The following MTA3 variants were observed in gnomAD, a reference collection of about 807,000 sequenced individuals.
The protein encoded by MTA3 is metastasis-associated protein MTA3.
In MTA3, 34 loss-of-function variants were observed where a neutral mutation model predicts 83.5. The observed-to-expected ratio is 0.41, with a 90% CI of 0.31 to 0.54. MTA3 has a LOEUF of 0.54. MTA3 is among the 20% of genes least tolerant of loss of function. MTA3 has a pLI of 0.33. For missense variants in MTA3, 761 were observed against 726.4 expected (o/e 1.05, Z -0.55); for synonymous variants, 303 against 252.7 (o/e 1.20, Z -1.89).
chr2:42,513,286 C>A (rs1304380592), intron 2 of MTA3, among the ~76,000 whole-genome samples: 1 of 152,182 alleles, frequency 6.6e-6, no homozygotes, highest in Non-Finnish European at 1.5e-5. Context: ...ATGAAATGAG[C>A]ATTACTTGGG....
At chr2:42,650,993 T>G (rs892228485) in intron 6 of MTA3, among the ~76,000 whole-genome samples, 5 of 152,178 alleles carry the variant, frequency 3.3e-5, no homozygotes, top group African/African-American at 1.2e-4. Flanking sequence ...CAAACCTAGA[T>G]AGGTGCAGCT....
At chr2:42,609,904 G>T (rs986414902) in intron 4 of MTA3, among the ~76,000 whole-genome samples, 2 of 152,122 alleles carry the variant, frequency 1.3e-5, no homozygotes, top group African/African-American at 4.8e-5. Context: ...TTCGAGACCA[G>T]CCTGGCCAAC....
At chr2:42,637,881 A>G (rs2104289377) in intron 4 of MTA3, among the ~76,000 whole-genome samples, 1 of 152,256 alleles carries the variant, frequency 6.6e-6, no homozygotes, top group Admixed American at 6.5e-5. Context: ...GAGACTTTTA[A>G]AGTATGCTAT....
intron 2 of MTA3, among the ~76,000 whole-genome samples, chr2:42,562,747 G>A (rs760979470): frequency 6.6e-6 from 1 of 152,240 alleles, no homozygotes; most frequent in African/African-American, 2.4e-5. Flanking sequence ...TGGGCTCTGG[G>A]GTGATGGTAA....
At chr2:42,573,058 T>A (rs1200734661) in intron 2 of MTA3, among the ~76,000 whole-genome samples, 1 of 152,112 alleles carries the variant, frequency 6.6e-6, no homozygotes, top group Non-Finnish European at 1.5e-5. Flanking sequence ...CAGAAAGCAG[T>A]CAAGCTGCAT....
At position 42,754,723 on chromosome 2, in the gene MTA3, A is replaced by G. The variant is rs1670122473; in HGVS notation, c.*1324A>G. The G allele has an allele frequency of 4.1e-6, 4 of 985,550 alleles. No homozygotes were observed. Among genetic ancestry groups the G allele is most frequent in the Non-Finnish European group, 2.4e-6 (2 of 829,976 alleles). 61.1% of individuals were successfully genotyped at this position (985,550 alleles called of 1,614,324 possible). ...AGGAGGCAGCTGGATGGCAGATACG[A>G]GAGGCCCAAATAGCCAAGCTGTTGC... On this transcript the variant is annotated 3_prime_UTR_variant, in exon 17 of 17. Coordinates refer to ENST00000405094, the MANE Select transcript of MTA3 (RefSeq NM_001330442.2).
At chr2:42,519,556 A>G (rs1675315820) in intron 2 of MTA3, among the ~76,000 whole-genome samples, 1 of 151,752 alleles carries the variant, frequency 6.6e-6, no homozygotes, top group Non-Finnish European at 1.5e-5. Context: ...CATTGAGCCC[A>G]GATGGCACCA....
chr2:42,580,408 G>A (rs192958714), intron 3 of MTA3, among the ~76,000 whole-genome samples: 3 of 151,636 alleles, frequency 2.0e-5, no homozygotes, highest in Non-Finnish European at 2.9e-5. Flanking sequence ...GTCTTGCTCT[G>A]TCACCCAGAC....
At chr2:42,551,448 C>T (rs1191793623) in intron 2 of MTA3, among the ~76,000 whole-genome samples, 1 of 152,080 alleles carries the variant, frequency 6.6e-6, no homozygotes, top group Admixed American at 6.6e-5. Context: ...GCCTCAGCCT[C>T]CCAAAGTGCT....
chr2:42,639,063 C>CTTTTT (rs563252870), intron 4 of MTA3, among the ~76,000 whole-genome samples: 1 of 138,740 alleles, frequency 7.2e-6, no homozygotes, highest in African/African-American at 2.6e-5. Flanking sequence ...TTCTTTCTTT[C>CTTTTT]TTTTTTTTTT....
At chr2:42,698,533 A>T (rs57290680) in intron 11 of MTA3, 1 of 152,268 alleles carries the variant, frequency 6.6e-6, no homozygotes, top group African/African-American at 2.4e-5. Context: ...GAGTTTGCTT[A>T]TTCATTTGTT....
intron 2 of MTA3, among the ~76,000 whole-genome samples, chr2:42,543,837 A>AT (rs542175740): frequency 1.3e-4 from 20 of 151,306 alleles, no homozygotes; most frequent in South Asian, 1.3e-3. Context: ...TACATTAAAA[A>AT]ATATATATAT....
intron 9 of MTA3, among the ~76,000 whole-genome samples, chr2:42,692,637 G>A (rs1049151642): frequency 2.0e-5 from 3 of 152,098 alleles, no homozygotes; most frequent in African/African-American, 7.2e-5. Context: ...ACGTTGGCCA[G>A]GCTAGTCTCG....
chr2:42,549,249 TATTA>T (rs1380966566), intron 2 of MTA3, among the ~76,000 whole-genome samples: 1 of 131,946 alleles, frequency 7.6e-6, no homozygotes, highest in Non-Finnish European at 1.6e-5. Flanking sequence ...GTATATAATA[TATTA>T]TATATTATAT....
Position 42,542,268 on chromosome 2 carries a change from G to A in MTA3, c.-140-28169G>A, listed in dbSNP as rs185587931. ...CACATGGCCCTGAGCCCATCTCTGC[G>A]AAGGGGATGGGAATGTGGGTGAGTT... On this transcript the variant is annotated intron_variant, in intron 2 of 17. Transcript: ENST00000405592. Among the ~76,000 whole-genome samples the A allele has an allele frequency of 3.9e-5, 6 of 152,276 alleles. No individual in the cohort carries two copies. In the East Asian group the frequency reaches 7.7e-4, roughly 20 times the overall value.
intron 3 of MTA3, among the ~76,000 whole-genome samples, chr2:42,599,907 T>C (rs1682341097): frequency 6.6e-6 from 1 of 151,908 alleles, no homozygotes; most frequent in Non-Finnish European, 1.5e-5. Context: ...TTAAAAAACT[T>C]GCTTATGGGC....
chr2:42,526,178 G>A (rs530207147), intron 2 of MTA3, among the ~76,000 whole-genome samples: 211 of 152,142 alleles, frequency 1.4e-3, no homozygotes, highest in African/African-American at 4.7e-3. Flanking sequence ...GAGAAAGGCC[G>A]GTACAGGGGT....
At chr2:42,525,529 C>T (rs1220704083) in intron 2 of MTA3, among the ~76,000 whole-genome samples, 4 of 145,358 alleles carry the variant, frequency 2.8e-5, no homozygotes, top group Admixed American at 7.0e-5. Context: ...TCCCTTCCTT[C>T]CTTCCCCTTC....
intron 2 of MTA3, among the ~76,000 whole-genome samples, chr2:42,535,424 T>G (rs1676184070): frequency 6.6e-6 from 1 of 152,052 alleles, no homozygotes; most frequent in Admixed American, 6.6e-5. Context: ...TTAAAAATTT[T>G]TTTGTGTGTG....
Sources: gnomAD v4.1 joint callset for allele counts (sites outside exome capture counted in the v4.1 genomes callset) on GRCh38, gnomAD v4.1.1 for gene constraint, MANE v1.5 for transcripts, NCBI Gene and HGNC (gene_info 2026-07-23, HGNC 2026-07-21) for gene names.